The following EYA2 variants were observed in gnomAD, a reference collection of about 807,000 sequenced individuals.
The protein encoded by EYA2 is EYA transcriptional coactivator and phosphatase 2.
In EYA2, 31 loss-of-function variants were observed where a neutral mutation model predicts 69.2. The ratio of observed to expected loss-of-function variants is 0.45; its 90% CI spans 0.34 to 0.60. The LOEUF (loss-of-function observed/expected upper bound fraction) is 0.60. Among genes scored for constraint, EYA2 ranks in the 20% least tolerant of loss-of-function variants. The pLI, the probability that EYA2 is intolerant of heterozygous loss-of-function variation, is 0.02. For missense variants in EYA2, 622 were observed against 701.2 expected (o/e 0.89, Z 1.28); for synonymous variants, 257 against 279.4 (o/e 0.92, Z 0.80).
chr20:47,021,682 CTT>C (rs914699343), intron 5 of EYA2, among the ~76,000 whole-genome samples: 1 of 149,706 alleles, frequency 6.7e-6, no homozygotes, highest in African/African-American at 2.5e-5. Context: ...AGTGGAAACT[CTT>C]TTTGCATTTA....
intron 5 of EYA2, among the ~76,000 whole-genome samples, chr20:47,041,985 A>G (rs750367299): frequency 1.1e-4 from 16 of 152,136 alleles, no homozygotes; most frequent in Non-Finnish European, 4.4e-5. Flanking sequence ...AAATAAAATT[A>G]TAAAATAAAT....
At chr20:46,933,089 C>T (rs1014496716) in intron 1 of EYA2, among the ~76,000 whole-genome samples, 3 of 152,174 alleles carry the variant, frequency 2.0e-5, no homozygotes, top group Admixed American at 6.5e-5. Context: ...ATCTTTATAG[C>T]TGTGTGAGAA....
chr20:47,100,925 C>G (rs1568778736), intron 9 of EYA2, among the ~76,000 whole-genome samples: 1 of 152,238 alleles, frequency 6.6e-6, no homozygotes, highest in East Asian at 1.9e-4. Context: ...ACAGCCTCTA[C>G]AGTCTTATTC....
intron 1 of EYA2, among the ~76,000 whole-genome samples, chr20:46,909,846 T>G (rs1984560008): frequency 6.6e-6 from 1 of 152,340 alleles, no homozygotes; most frequent in Non-Finnish European, 1.5e-5. Flanking sequence ...ACTACAGTGC[T>G]GCTTATGAAA....
chr20:47,007,362 G>C (rs1326948805), intron 4 of EYA2, among the ~76,000 whole-genome samples: 1 of 152,214 alleles, frequency 6.6e-6, no homozygotes, highest in Non-Finnish European at 1.5e-5. Context: ...AGAACTGAGA[G>C]ATAGCCATGT....
chr20:47,024,689 C>T (rs1983977923), intron 5 of EYA2, among the ~76,000 whole-genome samples: 2 of 152,340 alleles, frequency 1.3e-5, no homozygotes, highest in South Asian at 4.1e-4. Context: ...TGGGTTTTCC[C>T]TTCTTGGAAA....
intron 9 of EYA2, among the ~76,000 whole-genome samples, chr20:47,104,706 T>C (rs2032525628): frequency 6.6e-6 from 1 of 152,170 alleles, no homozygotes; most frequent in African/African-American, 2.4e-5. Context: ...CCCTACTGAA[T>C]TGTCTCAACA....
chr20:46,995,930 A>C (rs191001096), intron 2 of EYA2, among the ~76,000 whole-genome samples: 2 of 152,358 alleles, frequency 1.3e-5, no homozygotes, highest in East Asian at 3.9e-4. Flanking sequence ...CCCAATTTGC[A>C]GATGAGAAAA....
chr20:47,155,452 G>A lies in EYA2; in HGVS notation c.978+12304G>A, dbSNP rs182716226. 7.2e-5 allele frequency among the ~76,000 whole-genome samples: 11 copies of A among 152,058 alleles called. 1 individual carries two copies. In the East Asian group the frequency reaches 2.0e-3, roughly 27 times the overall value. Reference sequence around the variant, plus strand: ...GAGCTAGTGTGTCCTGCATGCGACTGTGTGCCTGGCAGTGACTGAAGGGCT... The same window carrying A: ...GAGCTAGTGTGTCCTGCATGCGACTATGTGCCTGGCAGTGACTGAAGGGCT... On this transcript the variant is annotated intron_variant, in intron 10 of 15. Coordinates refer to ENST00000327619, the MANE Select transcript of EYA2 (RefSeq NM_005244.5).
At position 47,188,058 on chromosome 20, in the gene EYA2, C is replaced by A; in HGVS notation, c.1542C>A (p.Asn514Lys). Reference sequence around the variant, plus strand: ...GCTGGTGTTCTGTGTTTCAGCACAACATGCCTTTCTGGCGGATATCCTGCC... The same window carrying A: ...GCTGGTGTTCTGTGTTTCAGCACAAAATGCCTTTCTGGCGGATATCCTGCC... ...VEEEQGAKKH[N>K]MPFWRISCHA... Residue 514 changes from asparagine (N) to lysine (K), a missense_variant, in exon 16 of 16, where the codon AAC (asparagine) becomes AAA (lysine). Transcript: ENST00000327619. The A allele has an allele frequency of 6.4e-7, 1 of 1,569,250 alleles. No individual in the cohort carries two copies.
Position 47,074,204 on chromosome 20 carries a change from A to G in EYA2, c.530A>G (p.Tyr177Cys). The G allele has an allele frequency of 6.2e-7, 1 of 1,613,848 alleles. No homozygotes were observed. The highest frequency in any genetic ancestry group is 8.5e-7 in the Non-Finnish European group (1 of 1,179,898). Residue 177 changes from tyrosine (Y) to cysteine (C), a missense_variant, in exon 7 of 16, where the codon TAT becomes TGT. By Grantham distance (194) the Tyr-to-Cys change is radical. This residue lies in a region of EYA2 where 365 missense variants were observed against 349.7 expected (regional missense o/e 1.04). Transcript: ENST00000327619. ...TTCCCCCAGAGCCAGTACCCCCAGT[A>G]TTACGGCTCATCCTACAACCCTCCC... ...PGFPQSQYPQYYGSSYNPPYV... is the reference protein window; with the variant it reads ...PGFPQSQYPQCYGSSYNPPYV...
chr20:47,095,115 T>G (rs2032210915), intron 8 of EYA2, among the ~76,000 whole-genome samples: 2 of 152,130 alleles, frequency 1.3e-5, no homozygotes, highest in Admixed American at 6.5e-5. Context: ...TTAGGAAAAT[T>G]CTAATTGGTT....
chr20:47,098,906 C>T (rs1018643521), intron 9 of EYA2, among the ~76,000 whole-genome samples: 77 of 152,370 alleles, frequency 5.1e-4, no homozygotes, highest in African/African-American at 1.8e-3. Flanking sequence ...TCCTTTCCTG[C>T]TCTTACCCTG....
At chr20:47,082,933 C>G (rs571445881) in intron 7 of EYA2, among the ~76,000 whole-genome samples, 2 of 152,074 alleles carry the variant, frequency 1.3e-5, no homozygotes, top group South Asian at 4.1e-4. Context: ...GTGGCTCGTG[C>G]TTGTAATCCC....
chr20:47,123,237 T>TA (rs1363992343), intron 9 of EYA2, among the ~76,000 whole-genome samples: 1 of 152,190 alleles, frequency 6.6e-6, no homozygotes, highest in Non-Finnish European at 1.5e-5. Context: ...ATATAAAGTA[T>TA]AATGATCAGA....
intron 9 of EYA2, among the ~76,000 whole-genome samples, chr20:47,101,713 G>T (rs943932134): frequency 1.3e-5 from 2 of 152,204 alleles, no homozygotes; most frequent in African/African-American, 4.8e-5. Context: ...GGATTTGTAG[G>T]TCTGAAGCTC....
rs77758826 is a variant in EYA2, at chr20:47,180,961, G to C, written c.1435+25G>C. The C allele has an allele frequency of 3.6e-3, 5,848 of 1,610,882 alleles. 94 individuals are homozygous for C. The African/African-American group carries it at 0.049, about 14-fold the overall frequency. On this transcript the variant is annotated intron_variant, in intron 14 of 15. Transcript: ENST00000327619. The stretch of plus-strand genomic sequence containing the variant: ...GGTAGGGAGAAGCCACACCTCGGCG[G>C]GGATACAGGGTTGGAGGGTGGGGTT...
At chr20:46,946,868 C>T (rs1052491574) in intron 1 of EYA2, among the ~76,000 whole-genome samples, 1 of 149,740 alleles carries the variant, frequency 6.7e-6, no homozygotes, top group Admixed American at 6.7e-5. Flanking sequence ...CTTCTTACTG[C>T]AGTTTTGGCC....
chr20:46,950,089 A>G (rs1978705931), intron 1 of EYA2, among the ~76,000 whole-genome samples: 1 of 152,206 alleles, frequency 6.6e-6, no homozygotes, highest in Non-Finnish European at 1.5e-5. Flanking sequence ...GCACAGAGTA[A>G]GCTCCCAGTA....
Sources: gnomAD v4.1 joint callset for allele counts (sites outside exome capture counted in the v4.1 genomes callset) on GRCh38, gnomAD v4.1.1 for gene constraint, gnomAD v4.1.1 regional missense constraint, MANE v1.5 for transcripts, NCBI Gene and HGNC (gene_info 2026-07-23, HGNC 2026-07-21) for gene names.